The following NBAS variants were observed in gnomAD, a reference collection of about 807,000 sequenced individuals.
NBAS encodes NBAS subunit of NRZ tethering complex.
In NBAS, 219 loss-of-function variants were observed where a neutral mutation model predicts 302.5. That is an observed-to-expected ratio of 0.72 (90% CI 0.65 to 0.81). The LOEUF is 0.81. Among genes scored for constraint, NBAS ranks in the 30% least tolerant of loss-of-function variants. The probability of loss-of-function intolerance (pLI) is 0.00; values close to 1 mark genes in which losing one functional copy is unlikely to be tolerated. For synonymous variants in NBAS, 1,118 were observed against 1,021.6 expected, an observed-to-expected ratio of 1.09 and a Z score of -1.80; for missense variants, 2,932 against 2,841.6, an observed-to-expected ratio of 1.03 and a Z score of -0.72.
the NBAS span, among the ~76,000 whole-genome samples, chr2:15,076,619 A>G: frequency 1.3e-5 from 2 of 152,122 alleles, no homozygotes; most frequent in Non-Finnish European, 2.9e-5. Context: ...TGCGGCATTG[A>G]GCTATCAGCT....
intron 34 of NBAS, 116 bp from the exon 35 acceptor site, chr2:15,352,197 T>C: frequency 1.4e-6 from 1 of 730,554 alleles, no homozygotes. Flanking sequence ...CTTTTCATAA[T>C]GATTAGTTTT....
At chr2:14,895,949 A>T in the NBAS span, among the ~76,000 whole-genome samples, 17 of 152,140 alleles carry the variant, frequency 1.1e-4, no homozygotes, top group African/African-American at 4.1e-4. Flanking sequence ...CCTCACCATG[A>T]CACAATATAT....
the NBAS span, among the ~76,000 whole-genome samples, chr2:15,082,037 A>G: frequency 6.6e-6 from 1 of 152,236 alleles, no homozygotes; most frequent in East Asian, 1.9e-4. Context: ...TAATAATTAA[A>G]TAAAGCAAGA....
chr2:15,316,590 C>T (rs189693084), intron 38 of NBAS, among the ~76,000 whole-genome samples: 83 of 152,368 alleles, frequency 5.4e-4, no homozygotes, highest in African/African-American at 2.0e-3. Context: ...CCTGGCTCGG[C>T]GGGTCCCATG....
the NBAS span, among the ~76,000 whole-genome samples, chr2:14,906,831 A>G: frequency 6.6e-6 from 1 of 152,216 alleles, no homozygotes; most frequent in East Asian, 1.9e-4. Flanking sequence ...GCCAAATCTG[A>G]GAAGACAAAG....
rs1348710955 is a variant in NBAS, at chr2:15,330,744, T to C, written c.4201A>G (p.Ser1401Gly). The C allele has an allele frequency of 6.2e-7, 1 of 1,613,838 alleles. No individual in the cohort carries two copies. Among genetic ancestry groups the C allele is most frequent in the Non-Finnish European group, 8.5e-7 (1 of 1,179,930 alleles). The change falls in exon 36 of 52, where the codon AGC (serine) becomes GGC (glycine). Residue 1401 changes from serine (S) to glycine (G), a missense_variant. Coordinates refer to ENST00000281513, the MANE Select transcript of NBAS (RefSeq NM_015909.4). ...CAGCGCAATAGGTCAGCTGAATTGC[T>C]ACCTGGAACACCTACTTCATCCTGT... ...VQEDEVGVPG[S>G]NSADLLRWTT...
chr2:15,200,286 G>A (rs558957457), intron 48 of NBAS, among the ~76,000 whole-genome samples: 1 of 152,048 alleles, frequency 6.6e-6, no homozygotes, highest in East Asian at 1.9e-4. Flanking sequence ...GTCTGTTTTG[G>A]GAAAATAAAA....
chr2:15,424,328 T>C lies in NBAS; in HGVS notation c.2564A>G (p.His855Arg), dbSNP rs1335553721. The change falls in exon 23 of 52, where the codon CAT (histidine) becomes CGT (arginine). Residue 855 changes from histidine to arginine, a missense_variant. By Grantham distance (29) the His-to-Arg change is conservative (BLOSUM62 0). Transcript: ENST00000281513. Reference sequence around the variant, plus strand: ...ATTTCCCCTCACCTGCCGAGCATAATGCTCTATTTCCTCTGCTCTGGTCTG... The same window carrying C: ...ATTTCCCCTCACCTGCCGAGCATAACGCTCTATTTCCTCTGCTCTGGTCTG... ...WYQTRAEEIEHYARQVDCALS... is the reference protein window; with the variant it reads ...WYQTRAEEIERYARQVDCALS... 6.2e-7 allele frequency: 1 copy of C among 1,614,114 alleles called. No individual in the cohort carries two copies. The highest frequency in any genetic ancestry group is 1.7e-5 in the Admixed American group (1 of 60,018).
chr2:15,098,023 TAA>T, the NBAS span, among the ~76,000 whole-genome samples: 1 of 55,718 alleles, frequency 1.8e-5, no homozygotes, highest in Admixed American at 3.2e-4. Flanking sequence ...ATATTGTATA[TAA>T]TATATATATT....
intron 21 of NBAS, among the ~76,000 whole-genome samples, chr2:15,456,743 A>G (rs561862197): frequency 9.2e-5 from 14 of 152,340 alleles, no homozygotes; most frequent in African/African-American, 3.4e-4. Flanking sequence ...AATAAGTAAA[A>G]CACAAATTAA....
chr2:15,362,533 A>G (rs777718773), intron 32 of NBAS, among the ~76,000 whole-genome samples: 1 of 152,036 alleles, frequency 6.6e-6, no homozygotes, highest in African/African-American at 2.4e-5. Context: ...TTAAAAAGGG[A>G]TGATGTTGCA....
chr2:15,513,662 G>C (rs1289054109), intron 9 of NBAS, among the ~76,000 whole-genome samples: 1 of 151,058 alleles, frequency 6.6e-6, no homozygotes, highest in Non-Finnish European at 1.5e-5. Context: ...GCAACAGACA[G>C]AAGGAGGATA....
chr2:15,457,704 C>T (rs770438656), intron 21 of NBAS, among the ~76,000 whole-genome samples: 7 of 152,172 alleles, frequency 4.6e-5, no homozygotes, highest in Non-Finnish European at 1.0e-4. Flanking sequence ...TGGAGGAAAG[C>T]ACTCATGCAC....
chr2:15,021,136 G>A, the NBAS span, among the ~76,000 whole-genome samples: 3 of 152,124 alleles, frequency 2.0e-5, no homozygotes, highest in Non-Finnish European at 2.9e-5. Flanking sequence ...GGGAGGCTGA[G>A]GCAGGAGAAT....
chr2:14,979,589 A>G, the NBAS span, among the ~76,000 whole-genome samples: 1 of 152,220 alleles, frequency 6.6e-6, no homozygotes, highest in African/African-American at 2.4e-5. Context: ...ATTCACGACC[A>G]GATATTTATG....
Position 15,218,832 on chromosome 2 carries a change from T to G in NBAS, c.6373A>C (p.Lys2125Gln), listed in dbSNP as rs1666777385. The G allele has an allele frequency of 9.3e-6, 15 of 1,614,264 alleles. No individual in the cohort carries two copies. Among genetic ancestry groups the G allele is most frequent in the Non-Finnish European group, 1.3e-5 (15 of 1,180,040 alleles). Reference sequence around the variant, plus strand: ...TCAGTTCTAAAGAACACGAGGAGCTTGCTGTCCTCCTCAGTCAGGTGAAAT... The same window carrying G: ...TCAGTTCTAAAGAACACGAGGAGCTGGCTGTCCTCCTCAGTCAGGTGAAAT... ...QSFHLTEEDS[K>Q]LLVFFRTEAI... The change falls in exon 48 of 52, where the codon AAG becomes CAG. Residue 2125 changes from lysine (K) to glutamine (Q), a missense_variant. Physicochemically the swap from Lys to Gln is moderately conservative, Grantham distance 53. Transcript: ENST00000281513.
Position 15,379,683 on chromosome 2 carries a change from C to T in NBAS, c.3509G>A (p.Ser1170Asn). 1 of 1,614,004 alleles carries T rather than the reference C, an allele frequency of 6.2e-7. No individual in the cohort carries two copies. Among genetic ancestry groups the T allele is most frequent in the Non-Finnish European group, 8.5e-7 (1 of 1,179,986 alleles). The change falls in exon 30 of 52, where the codon AGT becomes AAT. Residue 1170 changes from serine (S) to asparagine (N), a missense_variant. By Grantham distance (46) the Ser-to-Asn change is conservative (BLOSUM62 1). Transcript: ENST00000281513. Reference sequence around the variant, plus strand: ...GCTGGCAGCCAAAACCAAGTCAATACTCTTTTCGTAGCTGACCCTGTAGTG... The same window carrying T: ...GCTGGCAGCCAAAACCAAGTCAATATTCTTTTCGTAGCTGACCCTGTAGTG... ...KPHYRVSYEK[S>N]IDLVLAASRE...
intron 22 of NBAS, 150 bp from the exon 23 acceptor site, chr2:15,424,618 G>A (rs992797945): frequency 1.3e-5 from 11 of 848,778 alleles, no homozygotes; most frequent in African/African-American, 6.7e-5. Flanking sequence ...ACATGCACAC[G>A]CACCCTTACA....
chr2:15,036,819 G>A, the NBAS span, among the ~76,000 whole-genome samples: 1 of 152,096 alleles, frequency 6.6e-6, no homozygotes, highest in African/African-American at 2.4e-5. Flanking sequence ...CTCTCAGAGG[G>A]GTTATTGGCT....
Sources: gnomAD v4.1 joint callset for allele counts (sites outside exome capture counted in the v4.1 genomes callset) on GRCh38, gnomAD v4.1.1 for gene constraint, MANE v1.5 for transcripts, NCBI Gene and HGNC (gene_info 2026-07-23, HGNC 2026-07-21) for gene names.